ERMP1: variants seen among roughly 807,000 people sequenced by gnomAD.
ERMP1 encodes the protein endoplasmic reticulum metallopeptidase 1.
In ERMP1, 86 loss-of-function variants were observed where a neutral mutation model predicts 92.0. The ratio of observed to expected loss-of-function variants is 0.93; its 90% CI spans 0.79 to 1.12. ERMP1 has a LOEUF of 1.12. ERMP1 is among the 50% of genes most tolerant of loss of function. ERMP1 has a pLI of 0.00. For synonymous variants in ERMP1, 530 were observed against 412.8 expected, an observed-to-expected ratio of 1.28 and a Z score of -3.44; for missense variants, 1,342 against 1,116.3, an observed-to-expected ratio of 1.20 and a Z score of -2.88.
chr9:5,796,883 TTAA>T (rs1323036634), intron 13 of ERMP1, among the ~76,000 whole-genome samples: 9 of 152,100 alleles, frequency 5.9e-5, no homozygotes, highest in Non-Finnish European at 1.3e-4. Context: ...CAGGCTTCGA[TTAA>T]TAATAATATA....
At chr9:5,814,604 A>AT (rs1211152831) in intron 4 of ERMP1, among the ~76,000 whole-genome samples, 5 of 152,222 alleles carry the variant, frequency 3.3e-5, no homozygotes, top group African/African-American at 1.2e-4. Flanking sequence ...TAAGCAGGGC[A>AT]TGGTAATCCC....
intron 11 of ERMP1, among the ~76,000 whole-genome samples, chr9:5,800,240 T>C (rs1828617082): frequency 6.6e-6 from 1 of 152,136 alleles, no homozygotes; most frequent in African/African-American, 2.4e-5. Context: ...ATAAGATAAT[T>C]TGTGTAGTAT....
intron 11 of ERMP1, 146 bp from the exon 12 acceptor site, chr9:5,799,154 G>T (rs369113149): frequency 1.7e-6 from 1 of 595,372 alleles, no homozygotes; most frequent in Non-Finnish European, 3.0e-6. Flanking sequence ...CTAAGGTACT[G>T]CTAGCGTTCT....
intron 5 of ERMP1, among the ~76,000 whole-genome samples, chr9:5,864,303 T>G (rs947872795): frequency 3.9e-5 from 6 of 152,186 alleles, no homozygotes; most frequent in African/African-American, 1.4e-4. Flanking sequence ...AGCCACTGTT[T>G]ACTCAGTAAG....
At chr9:5,806,854 A>C (rs550679406) in intron 8 of ERMP1, among the ~76,000 whole-genome samples, 1 of 152,220 alleles carries the variant, frequency 6.6e-6, no homozygotes, top group African/African-American at 2.4e-5. Context: ...TAGATATATT[A>C]AAGTTTCTCC....
At position 5,787,010 on chromosome 9, in the gene ERMP1, T is replaced by C. The variant is rs991649541; in HGVS notation, c.*134A>G. ...TTATAGTGCTTGGCCCTGAAAAGCG[T>C]TAACCCAGAAAGCTCTTTGAACATA... On this transcript the variant is annotated 3_prime_UTR_variant, in exon 15 of 15. Transcript: ENST00000339450. 9 of 911,720 alleles carry C rather than the reference T, an allele frequency of 9.9e-6. No individual in the cohort carries two copies. In the East Asian group the frequency reaches 1.1e-4, roughly 11 times the overall value. 56.5% of individuals were successfully genotyped at this position (911,720 alleles called of 1,614,324 possible).
intron 8 of ERMP1, among the ~76,000 whole-genome samples, chr9:5,808,962 C>A (rs995765390): frequency 1.3e-5 from 2 of 152,094 alleles, no homozygotes; most frequent in Non-Finnish European, 1.5e-5. Context: ...TAAAGCGATC[C>A]GCCTGCCCAG....
intron 6 of ERMP1, among the ~76,000 whole-genome samples, chr9:5,844,657 C>T (rs758038672): frequency 6.6e-6 from 1 of 152,176 alleles, no homozygotes; most frequent in South Asian, 2.1e-4. Context: ...GTCAAGGAGC[C>T]GCTTGGTCAG....
chr9:5,864,038 C>A (rs1297980748), intron 5 of ERMP1, among the ~76,000 whole-genome samples: 1 of 152,180 alleles, frequency 6.6e-6, no homozygotes, highest in Non-Finnish European at 1.5e-5. Flanking sequence ...TTTCTGTTGT[C>A]TATGCCCATT....
At chr9:5,816,644 T>A (rs1829317353) in intron 4 of ERMP1, among the ~76,000 whole-genome samples, 1 of 152,156 alleles carries the variant, frequency 6.6e-6, no homozygotes, top group Non-Finnish European at 1.5e-5. Flanking sequence ...CATACATGTG[T>A]ACCAAAAGAC....
At chr9:5,855,271 A>G (rs1830359206) in intron 6 of ERMP1, among the ~76,000 whole-genome samples, 2 of 152,238 alleles carry the variant, frequency 1.3e-5, no homozygotes, top group South Asian at 4.1e-4. Context: ...AAAAGGAGTG[A>G]TTCCTACTGT....
At chr9:5,824,988 C>G in intron 3 of ERMP1, 104 bp downstream of exon 3, 2 of 1,119,030 alleles carry the variant, frequency 1.8e-6, no homozygotes, top group Non-Finnish European at 2.6e-6. Context: ...ATACTACCCA[C>G]AGGAGTCATA....
chr9:5,796,089 C>T (rs1828413710), intron 13 of ERMP1, among the ~76,000 whole-genome samples: 1 of 152,168 alleles, frequency 6.6e-6, no homozygotes, highest in African/African-American at 2.4e-5. Context: ...GAGGGATATT[C>T]CAACACGGAT....
upstream of ERMP1, among the ~76,000 whole-genome samples, chr9:5,837,160 CT>C (rs770199130): frequency 6.6e-6 from 1 of 152,098 alleles, no homozygotes; most frequent in Non-Finnish European, 1.5e-5. Context: ...GTTATTTTCT[CT>C]TTTTTTAGAG....
chr9:5,795,347 C>G (rs1193127400), intron 13 of ERMP1, among the ~76,000 whole-genome samples: 1 of 152,152 alleles, frequency 6.6e-6, no homozygotes, highest in Non-Finnish European at 1.5e-5. Flanking sequence ...AAAGATGTCC[C>G]CTCTCACAAC....
chr9:5,819,845 A>G (rs763152734), intron 4 of ERMP1, among the ~76,000 whole-genome samples: 4 of 152,246 alleles, frequency 2.6e-5, no homozygotes, highest in Non-Finnish European at 4.4e-5. Flanking sequence ...CACAAAGTAG[A>G]CAGGCAGTTG....
chr9:5,836,275 G>A (rs555625489), upstream of ERMP1, among the ~76,000 whole-genome samples: 8 of 152,312 alleles, frequency 5.3e-5, no homozygotes, highest in Non-Finnish European at 1.2e-4. Flanking sequence ...CATAGCCTGT[G>A]TACTTTCTTC....
intron 6 of ERMP1, among the ~76,000 whole-genome samples, chr9:5,851,209 A>G (rs944547236): frequency 8.5e-5 from 13 of 152,216 alleles, no homozygotes; most frequent in Admixed American, 4.6e-4. Flanking sequence ...TCTATCTACT[A>G]GGAAGCTCAG....
At position 5,857,407 on chromosome 9, in the gene ERMP1, C is replaced by T. The variant is rs568432985; in HGVS notation, n.3199+2061G>A. On this transcript the variant is annotated intron_variant and non_coding_transcript_variant, in intron 6 of 6. Transcript: ENST00000690753. The stretch of plus-strand genomic sequence containing the variant: ...CTCGGCTGGGCACGTGCACATCCAG[C>T]AACTCAAAATTTTTACAACTCTGCG... 3.5e-3 allele frequency among the ~76,000 whole-genome samples: 539 copies of T among 152,252 alleles called. 4 individuals carry two copies. The highest frequency in any genetic ancestry group is 0.011 in the African/African-American group (463 of 41,542).
Sources: gnomAD v4.1 joint callset for allele counts (sites outside exome capture counted in the v4.1 genomes callset) on GRCh38, gnomAD v4.1.1 for gene constraint, MANE v1.5 for transcripts, NCBI Gene and HGNC (gene_info 2026-07-23, HGNC 2026-07-21) for gene names.